The following HORMAD2 variants were observed in gnomAD, a reference collection of about 807,000 sequenced individuals.
HORMAD2 encodes HORMA domain containing 2, also known as HORMA domain-containing protein 2.
In HORMAD2, 45 loss-of-function variants were observed where a neutral mutation model predicts 38.8. The observed-to-expected ratio is 1.16, with a 90% CI of 0.91 to 1.49. The LOEUF (loss-of-function observed/expected upper bound fraction) is 1.49. Among genes scored for constraint, HORMAD2 ranks in the 40% most tolerant of loss-of-function variants. HORMAD2 has a pLI of 0.00. For missense variants in HORMAD2, 338 were observed against 367.0 expected (o/e 0.92, Z 0.65); for synonymous variants, 126 against 122.8 (o/e 1.03, Z -0.17).
chr22:30,193,228 G>C, the HORMAD2 span, among the ~76,000 whole-genome samples: 1 of 152,202 alleles, frequency 6.6e-6, no homozygotes, highest in Non-Finnish European at 1.5e-5. Context: ...ACCTAACAGT[G>C]TAATGCACTT....
intron 6 of HORMAD2, 25 bp downstream of exon 6, chr22:30,111,841 C>G (rs779942401): frequency 1.9e-6 from 3 of 1,550,880 alleles, no homozygotes; most frequent in Middle Eastern, 1.7e-4. Flanking sequence ...ATTTAAAGAC[C>G]AAGCCTCTGT....
downstream of HORMAD2, among the ~76,000 whole-genome samples, chr22:30,181,663 T>C (rs535865437): frequency 6.6e-6 from 1 of 152,332 alleles, no homozygotes; most frequent in African/African-American, 2.4e-5. Context: ...AAGTCTGTCA[T>C]AAAATGCAGG....
intron 10 of HORMAD2, among the ~76,000 whole-genome samples, chr22:30,171,440 C>T (rs1392159023): frequency 6.6e-6 from 1 of 152,178 alleles, no homozygotes; most frequent in African/African-American, 2.4e-5. Context: ...CCATCTATCT[C>T]TCTCTTACCA....
Position 30,108,913 on chromosome 22 carries a change from GCT to G in HORMAD2, c.295-2876_295-2875del, listed in dbSNP as rs368222762. 4.7e-5 allele frequency among the ~76,000 whole-genome samples: 7 copies of G among 149,456 alleles called. No individual in the cohort carries two copies. The South Asian group carries it at 6.3e-4, about 14-fold the overall frequency. ...TTTTTCTTTTCTCTTTCTTTCTCTC[GCT>G]CTCTCTTTCTCTCCCTCCCTCCTTC... On this transcript the variant is annotated intron_variant, in intron 5 of 10. Coordinates refer to ENST00000336726, the MANE Select transcript of HORMAD2 (RefSeq NM_152510.4).
At chr22:30,173,307 A>G (rs1419491720) in intron 10 of HORMAD2, among the ~76,000 whole-genome samples, 1 of 152,204 alleles carries the variant, frequency 6.6e-6, no homozygotes, top group African/African-American at 2.4e-5. Flanking sequence ...TGTGCTCCAG[A>G]GTGGACAATG....
At chr22:30,101,417 C>G (rs1194748733) in intron 3 of HORMAD2, among the ~76,000 whole-genome samples, 1 of 151,356 alleles carries the variant, frequency 6.6e-6, no homozygotes, top group Non-Finnish European at 1.5e-5. Context: ...GGGAACATCA[C>G]ACACTGGAGC....
chr22:30,169,856 TCTTTC>T (rs1926003846), intron 10 of HORMAD2, among the ~76,000 whole-genome samples: 1 of 152,222 alleles, frequency 6.6e-6, no homozygotes, highest in South Asian at 2.1e-4. Flanking sequence ...TTTACTCCTT[TCTTTC>T]CTTTACTGTA....
chr22:30,111,561 C>T (rs1921657796), intron 5 of HORMAD2, among the ~76,000 whole-genome samples: 1 of 152,068 alleles, frequency 6.6e-6, no homozygotes, highest in Non-Finnish European at 1.5e-5. Flanking sequence ...TTCATATACT[C>T]CCTGAGGTAC....
chr22:30,204,566 GC>G, the HORMAD2 span, among the ~76,000 whole-genome samples: 898 of 152,260 alleles, frequency 5.9e-3, 8 homozygotes, highest in African/African-American at 0.021. Context: ...GAAACTCTAG[GC>G]CTTTCATGTG....
At chr22:30,195,117 C>T in the HORMAD2 span, among the ~76,000 whole-genome samples, 4 of 147,148 alleles carry the variant, frequency 2.7e-5, no homozygotes, top group Admixed American at 7.0e-5. Context: ...TGCTTGAACC[C>T]GGAAGGCAAA....
intron 10 of HORMAD2, among the ~76,000 whole-genome samples, chr22:30,146,230 T>C (rs1924405010): frequency 1.3e-5 from 2 of 152,212 alleles, no homozygotes; most frequent in Admixed American, 1.3e-4. Flanking sequence ...CAGTGGCTCA[T>C]GCCTGTAATC....
chr22:30,173,110 A>G (rs1301724281), intron 10 of HORMAD2, among the ~76,000 whole-genome samples: 1 of 152,206 alleles, frequency 6.6e-6, no homozygotes, highest in East Asian at 1.9e-4. Context: ...CATTGAAGGT[A>G]AAGTCCAGAG....
intron 1 of HORMAD2, among the ~76,000 whole-genome samples, chr22:30,088,782 A>C (rs2068630708): frequency 6.6e-6 from 1 of 151,852 alleles, no homozygotes; most frequent in Non-Finnish European, 1.5e-5. Flanking sequence ...CTAGAAAATC[A>C]TGATTTCTCT....
chr22:30,147,953 A>G (rs540269450), intron 10 of HORMAD2, among the ~76,000 whole-genome samples: 3 of 152,196 alleles, frequency 2.0e-5, no homozygotes, highest in East Asian at 1.9e-4. Flanking sequence ...CTATAAACAT[A>G]TACTTACTAT....
chr22:30,191,703 T>C, the HORMAD2 span, among the ~76,000 whole-genome samples: 1 of 152,238 alleles, frequency 6.6e-6, no homozygotes, highest in Non-Finnish European at 1.5e-5. Flanking sequence ...CACAAGTAGT[T>C]AAAGAAGCCC....
Position 30,098,942 on chromosome 22 carries a change from T to C in HORMAD2, c.142T>C (p.Tyr48His). The change falls in exon 3 of 11, where the codon TAC becomes CAC. Residue 48 changes from tyrosine to histidine, a missense_variant. Coordinates refer to ENST00000336726, the MANE Select transcript of HORMAD2 (RefSeq NM_152510.4). Reference protein sequence around the residue: ...LFATSISCITYLRGLFPESSY... With the variant: ...LFATSISCITHLRGLFPESSY... ...TGCTACTTCCATCTCATGTATAACA[T>C]ACCTAAGGGGCCTGTTTCCAGAGAG... is the stretch of plus-strand genomic sequence containing the variant. The C allele has an allele frequency of 6.2e-7, 1 of 1,613,132 alleles. No individual in the cohort carries two copies. Among genetic ancestry groups the C allele is most frequent in the Non-Finnish European group, 8.5e-7 (1 of 1,179,238 alleles).
At chr22:30,181,886 C>T (rs750206990), downstream of HORMAD2, among the ~76,000 whole-genome samples, 12 of 152,180 alleles carry the variant, frequency 7.9e-5, no homozygotes, top group Non-Finnish European at 1.3e-4. Context: ...GTAATGAGTT[C>T]CTTATCACCG....
At chr22:30,171,950 G>A (rs1467502496) in intron 10 of HORMAD2, among the ~76,000 whole-genome samples, 1 of 152,126 alleles carries the variant, frequency 6.6e-6, no homozygotes, top group African/African-American at 2.4e-5. Context: ...AGCAAGATAT[G>A]AGGCTAGGCA....
intron 10 of HORMAD2, among the ~76,000 whole-genome samples, chr22:30,140,882 T>G (rs1036792690): frequency 6.6e-6 from 1 of 152,212 alleles, no homozygotes; most frequent in Non-Finnish European, 1.5e-5. Flanking sequence ...TGAGATCTCC[T>G]TTCTTAATAT....
Sources: gnomAD v4.1 joint callset for allele counts (sites outside exome capture counted in the v4.1 genomes callset) on GRCh38, gnomAD v4.1.1 for gene constraint, MANE v1.5 for transcripts, NCBI Gene and HGNC (gene_info 2026-07-23, HGNC 2026-07-21) for gene names.